The following DSCAM variants were observed in gnomAD, a reference collection of about 807,000 sequenced individuals.
DSCAM encodes the protein DS cell adhesion molecule.
Under a neutral mutation model 217.7 loss-of-function variants are expected in DSCAM, and 47 were observed. The ratio of observed to expected loss-of-function variants is 0.22; its 90% CI spans 0.17 to 0.28. The LOEUF is 0.28. Ranked by LOEUF, DSCAM falls within the 10% of genes least tolerant of loss-of-function variation. The pLI is 1.00. For missense variants in DSCAM, 2,080 were observed against 2,618.3 expected, an observed-to-expected ratio of 0.79 and a Z score of 4.49; for synonymous variants, 1,056 against 1,015.3, an observed-to-expected ratio of 1.04 and a Z score of -0.76.
chr21:40,683,691 C>T (rs2090441749), intron 3 of DSCAM, among the ~76,000 whole-genome samples: 2 of 152,032 alleles, frequency 1.3e-5, no homozygotes, highest in African/African-American at 4.8e-5. Context: ...AAGAGGACAG[C>T]TCTTCCTGTG....
chr21:40,716,380 A>ATGTG (rs35141387), intron 1 of DSCAM, among the ~76,000 whole-genome samples: 2,925 of 150,768 alleles, frequency 0.019, 95 homozygotes, highest in African/African-American at 0.067. Flanking sequence ...AATGTGAATT[A>ATGTG]TGTGTGTGTG....
At chr21:40,818,051 G>C (rs1313618343) in intron 1 of DSCAM, among the ~76,000 whole-genome samples, 3 of 129,076 alleles carry the variant, frequency 2.3e-5, no homozygotes, top group Non-Finnish European at 4.7e-5. Context: ...AGCCGAGATT[G>C]CGCCACTGCA....
At chr21:40,181,092 G>A (rs77068668) in intron 14 of DSCAM, among the ~76,000 whole-genome samples, 4,057 of 152,122 alleles carry the variant, frequency 0.027, 182 homozygotes, top group African/African-American at 0.093. Context: ...CCTCCTGTCC[G>A]TGGCCTTCCC....
At chr21:40,622,010 T>C (rs2089525881) in intron 3 of DSCAM, among the ~76,000 whole-genome samples, 1 of 151,698 alleles carries the variant, frequency 6.6e-6, no homozygotes, top group South Asian at 2.1e-4. Flanking sequence ...AAAGATAAAA[T>C]TCAAAGTAGG....
intron 8 of DSCAM, among the ~76,000 whole-genome samples, chr21:40,327,198 T>C (rs1432287537): frequency 1.3e-5 from 2 of 152,084 alleles, no homozygotes; most frequent in Non-Finnish European, 2.9e-5. Flanking sequence ...CAAACGTGTG[T>C]GTATTTGCAG....
chr21:40,612,003 G>T (rs893038355), intron 3 of DSCAM, among the ~76,000 whole-genome samples: 1 of 152,134 alleles, frequency 6.6e-6, no homozygotes, highest in Non-Finnish European at 1.5e-5. Context: ...AGGATCAGTG[G>T]ATTTGAAATA....
At chr21:40,207,753 A>T (rs1219774739) in intron 11 of DSCAM, among the ~76,000 whole-genome samples, 2 of 152,162 alleles carry the variant, frequency 1.3e-5, no homozygotes, top group Non-Finnish European at 2.9e-5. Flanking sequence ...ATAGGACTTT[A>T]TTATCTCACA....
chr21:40,740,900 G>A (rs931955072), intron 1 of DSCAM, among the ~76,000 whole-genome samples: 2 of 152,154 alleles, frequency 1.3e-5, no homozygotes, highest in Admixed American at 6.5e-5. Flanking sequence ...ATCTCAGATT[G>A]GTATTATCCT....
chr21:40,081,352 C>T (rs2089453413), intron 24 of DSCAM, among the ~76,000 whole-genome samples: 1 of 152,120 alleles, frequency 6.6e-6, no homozygotes, highest in South Asian at 2.1e-4. Flanking sequence ...TACAGTGTCT[C>T]CTAAACCCAA....
intron 3 of DSCAM, among the ~76,000 whole-genome samples, chr21:40,404,947 G>C (rs975615650): frequency 3.3e-5 from 5 of 152,188 alleles, no homozygotes; most frequent in African/African-American, 1.2e-4. Flanking sequence ...AGAGACATAT[G>C]AAATAATTTA....
chr21:40,512,739 G>A (rs73902655), intron 3 of DSCAM, among the ~76,000 whole-genome samples: 10,500 of 151,732 alleles, frequency 0.069, 528 homozygotes, highest in East Asian at 0.21. Flanking sequence ...ACAGTGCTCT[G>A]ACCTCCCTCG....
chr21:40,652,152 G>C (rs1026346244), intron 3 of DSCAM, among the ~76,000 whole-genome samples: 1 of 127,940 alleles, frequency 7.8e-6, no homozygotes, highest in Non-Finnish European at 1.6e-5. Flanking sequence ...GGGGCCTGTT[G>C]AAGGGTGGGG....
Position 40,075,152 on chromosome 21 carries a change from C to A in DSCAM, c.4773G>T (p.Glu1591Asp). The A allele has an allele frequency of 6.2e-7, 1 of 1,614,252 alleles. No homozygotes were observed. The highest frequency in any genetic ancestry group is 8.5e-7 in the Non-Finnish European group (1 of 1,180,044). Residue 1591 changes from glutamate to aspartate, a missense_variant, in exon 27 of 33, where the codon GAG becomes GAT. Glu to Asp is a conservative substitution (Grantham distance 45). This residue lies in a region of DSCAM where 1,144 missense variants were observed against 1,421.1 expected (regional missense o/e 0.81). Transcript: ENST00000400454. ...VQNEEGLTTN[E>D]GLKMLVTISC... is the part of the protein sequence containing the mutation. Reference sequence around the variant, plus strand: ...AGATGGTCACCAGCATCTTGAGCCCCTCGTTGGTCGTCAGCCCTTCTTCGT... The same window carrying A: ...AGATGGTCACCAGCATCTTGAGCCCATCGTTGGTCGTCAGCCCTTCTTCGT...
At chr21:40,122,935 T>C (rs1054440809) in intron 20 of DSCAM, among the ~76,000 whole-genome samples, 2 of 152,202 alleles carry the variant, frequency 1.3e-5, no homozygotes, top group Non-Finnish European at 2.9e-5. Flanking sequence ...GATTAATCCA[T>C]AAATTTGTTT....
intron 20 of DSCAM, among the ~76,000 whole-genome samples, chr21:40,106,030 A>G (rs753642176): frequency 6.6e-6 from 1 of 152,220 alleles, no homozygotes; most frequent in Non-Finnish European, 1.5e-5. Flanking sequence ...TGTGTAATTT[A>G]TAAAGAAAAA....
intron 32 of DSCAM, among the ~76,000 whole-genome samples, chr21:40,018,267 ACATT>A (rs1466113506): frequency 6.6e-6 from 1 of 152,230 alleles, no homozygotes; most frequent in Non-Finnish European, 1.5e-5. Context: ...GTAGTTTTAT[ACATT>A]CAATCTCCTG....
intron 3 of DSCAM, among the ~76,000 whole-genome samples, chr21:40,644,431 G>A (rs2089919335): frequency 1.3e-5 from 2 of 152,190 alleles, no homozygotes; most frequent in Non-Finnish European, 1.5e-5. Flanking sequence ...CAAGAAAACA[G>A]CAGGTTCGGC....
chr21:40,084,145 C>A, intron 23 of DSCAM, 139 bp from the exon 24 acceptor site: 3 of 615,770 alleles, frequency 4.9e-6, no homozygotes, highest in East Asian at 3.0e-5. Flanking sequence ...CAATTCACTT[C>A]TGTCAAAATG....
Position 40,360,121 on chromosome 21 carries a change from G to GTTTTTTTT in DSCAM, c.656-6379_656-6378insAAAAAAAA, listed in dbSNP as rs764160478. 1.3e-3 allele frequency among the ~76,000 whole-genome samples: 110 copies of GTTTTTTTT among 82,630 alleles called. 45 individuals are homozygous for GTTTTTTTT. The highest frequency in any genetic ancestry group is 4.6e-3 in the African/African-American group (92 of 19,920). The allele number at this position is 82,630 out of a possible 152,430, so 54.2% of individuals were successfully genotyped here. On this transcript the variant is annotated intron_variant, in intron 4 of 32. Coordinates refer to ENST00000400454, the MANE Select transcript of DSCAM (RefSeq NM_001389.5). The stretch of plus-strand genomic sequence containing the variant: ...TAGTGAGCATGGTACTTCATAGGTA[G>GTTTTTTTT]TCTTTTTTTTTTTTTTTTTTTTTTT...
Sources: gnomAD v4.1 joint callset for allele counts (sites outside exome capture counted in the v4.1 genomes callset) on GRCh38, gnomAD v4.1.1 for gene constraint, gnomAD v4.1.1 regional missense constraint, MANE v1.5 for transcripts, NCBI Gene and HGNC (gene_info 2026-07-23, HGNC 2026-07-21) for gene names.